Variants in DGKB observed in about 807,000 individuals in gnomAD.
DGKB encodes diacylglycerol kinase beta.
A neutral mutation model predicts 114.3 loss-of-function variants in DGKB; 67 were observed. That is an observed-to-expected ratio of 0.59 (90% CI 0.48 to 0.72). The LOEUF is 0.72. DGKB is among the 30% of genes least tolerant of loss of function. DGKB has a pLI of 0.00. For synonymous variants in DGKB, 398 were observed against 323.1 expected, an observed-to-expected ratio of 1.23 and a Z score of -2.49; for missense variants, 907 against 975.2, an observed-to-expected ratio of 0.93 and a Z score of 0.93.
chr7:14,961,894 A>G (rs1314077512), intron 1 of DGKB, among the ~76,000 whole-genome samples: 2 of 152,092 alleles, frequency 1.3e-5, no homozygotes, highest in East Asian at 3.9e-4. Flanking sequence ...CAGAGGATCT[A>G]AGTTTCACAC....
intron 1 of DGKB, among the ~76,000 whole-genome samples, chr7:14,964,270 C>T (rs1302708179): frequency 1.3e-5 from 2 of 152,102 alleles, no homozygotes; most frequent in African/African-American, 2.4e-5. Context: ...CTTTAGGAGG[C>T]CAGACAGGCA....
intron 21 of DGKB, among the ~76,000 whole-genome samples, chr7:14,451,710 A>G (rs1831536340): frequency 6.6e-6 from 1 of 152,110 alleles, no homozygotes; most frequent in Non-Finnish European, 1.5e-5. Flanking sequence ...CAGTGAGTTG[A>G]GAAAGATACC....
chr7:14,618,040 A>C (rs375840784), intron 15 of DGKB, among the ~76,000 whole-genome samples: 1 of 151,698 alleles, frequency 6.6e-6, no homozygotes, highest in African/African-American at 2.4e-5. Context: ...CTGGGTTTAC[A>C]TTGAGAGTTA....
intron 20 of DGKB, among the ~76,000 whole-genome samples, chr7:14,521,251 G>T (rs1332308247): frequency 6.6e-6 from 1 of 152,090 alleles, no homozygotes; most frequent in African/African-American, 2.4e-5. Context: ...CAGAAGTAAG[G>T]CTGCACACCT....
chr7:14,699,525 C>CATTT (rs1824726454), intron 7 of DGKB, among the ~76,000 whole-genome samples: 1 of 152,134 alleles, frequency 6.6e-6, no homozygotes, highest in Non-Finnish European at 1.5e-5. Flanking sequence ...ATACAAAAGG[C>CATTT]ATTTATTTTG....
intron 21 of DGKB, among the ~76,000 whole-genome samples, chr7:14,346,272 T>C (rs115256722): frequency 1.7e-3 from 254 of 152,032 alleles, no homozygotes; most frequent in African/African-American, 5.9e-3. Context: ...GCCTTACTAC[T>C]TAATTCAAGC....
intron 13 of DGKB, among the ~76,000 whole-genome samples, chr7:14,669,100 C>T (rs1430842272): frequency 6.6e-6 from 1 of 152,168 alleles, no homozygotes; most frequent in Non-Finnish European, 1.5e-5. Flanking sequence ...ACACATCTTG[C>T]ACCATCCTCA....
chr7:14,732,383 CA>C (rs1413366292), intron 5 of DGKB, among the ~76,000 whole-genome samples: 2 of 151,994 alleles, frequency 1.3e-5, no homozygotes, highest in Non-Finnish European at 2.9e-5. Context: ...TTTTCAGCCA[CA>C]AAAACACCTC....
chr7:14,908,680 T>G (rs1255217496), intron 1 of DGKB, among the ~76,000 whole-genome samples: 1 of 152,158 alleles, frequency 6.6e-6, no homozygotes, highest in Non-Finnish European at 1.5e-5. Context: ...TGACTTAACC[T>G]TAGAGCTATT....
chr7:14,354,598 A>T (rs1814105139), intron 21 of DGKB, among the ~76,000 whole-genome samples: 1 of 152,212 alleles, frequency 6.6e-6, no homozygotes, highest in Non-Finnish European at 1.5e-5. Context: ...AGTGCTATAA[A>T]GAAGATACAC....
intron 21 of DGKB, among the ~76,000 whole-genome samples, chr7:14,473,417 C>A (rs183241363): frequency 6.6e-6 from 1 of 152,178 alleles, no homozygotes; most frequent in East Asian, 1.9e-4. Context: ...TGTATGGAAA[C>A]GCCTGGATGC....
chr7:14,917,939 G>A (rs1784320937), intron 1 of DGKB, among the ~76,000 whole-genome samples: 1 of 151,940 alleles, frequency 6.6e-6, no homozygotes, highest in East Asian at 1.9e-4. Context: ...GGAATGCAAG[G>A]CTAGTTGAAC....
chr7:14,477,628 C>A (rs1782379178), intron 21 of DGKB, among the ~76,000 whole-genome samples: 1 of 152,036 alleles, frequency 6.6e-6, no homozygotes, highest in Admixed American at 6.6e-5. Flanking sequence ...TTGCCTATTG[C>A]TCTTATGAGG....
intron 20 of DGKB, among the ~76,000 whole-genome samples, chr7:14,481,069 A>G (rs942454439): frequency 6.6e-5 from 10 of 151,992 alleles, no homozygotes; most frequent in African/African-American, 2.2e-4. Flanking sequence ...AAGCAAAACA[A>G]ATTTAAACCT....
intron 1 of DGKB, among the ~76,000 whole-genome samples, chr7:14,920,994 G>T (rs1355880554): frequency 1.3e-5 from 2 of 151,984 alleles, no homozygotes; most frequent in Non-Finnish European, 2.9e-5. Flanking sequence ...GTGCAGATTT[G>T]TTACATAGGT....
chr7:14,655,440 T>A (rs1030953319), intron 13 of DGKB, among the ~76,000 whole-genome samples: 1 of 151,788 alleles, frequency 6.6e-6, no homozygotes, highest in African/African-American at 2.4e-5. Context: ...TTGGAAGGAA[T>A]TATAGTTAGT....
intron 21 of DGKB, among the ~76,000 whole-genome samples, chr7:14,449,936 C>T (rs1051671829): frequency 1.3e-5 from 2 of 151,984 alleles, no homozygotes; most frequent in Non-Finnish European, 2.9e-5. Context: ...TCTTTATGAA[C>T]ATATGATAGT....
chr7:14,654,052 A>G lies in DGKB; in HGVS notation c.1134+18877T>C, dbSNP rs573697195. ...CTAGGCAGAGCAGTTTGGCAACAGG[A>G]TGAAATAAAGGGCATCCAAATTGGA... On this transcript the variant is annotated intron_variant, in intron 13 of 25. Transcript: ENST00000402815. Among the ~76,000 whole-genome samples, 121 of 152,220 alleles carry G rather than the reference A, an allele frequency of 7.9e-4. 1 individual carries two copies. The highest frequency in any genetic ancestry group is 2.7e-3 in the African/African-American group (112 of 41,570).
chr7:14,882,821 T>C (rs1587158412), intron 1 of DGKB, among the ~76,000 whole-genome samples: 1 of 152,172 alleles, frequency 6.6e-6, no homozygotes, highest in East Asian at 1.9e-4. Context: ...ATGCCACATT[T>C]TCTTTATCTT....
Sources: gnomAD v4.1 joint callset for allele counts (sites outside exome capture counted in the v4.1 genomes callset) on GRCh38, gnomAD v4.1.1 for gene constraint, MANE v1.5 for transcripts, NCBI Gene and HGNC (gene_info 2026-07-23, HGNC 2026-07-21) for gene names.